Variants in SCNN1D observed in about 807,000 individuals in gnomAD.
The protein encoded by SCNN1D is sodium channel epithelial 1 subunit delta.
Under a neutral mutation model 87.8 loss-of-function variants are expected in SCNN1D, and 104 were observed. The observed-to-expected ratio is 1.18, with a 90% CI of 1.01 to 1.39. The LOEUF (loss-of-function observed/expected upper bound fraction) is 1.39. SCNN1D is among the 40% of genes most tolerant of loss of function. SCNN1D has a pLI of 0.00. For missense variants in SCNN1D, 1,324 were observed against 1,093.9 expected (o/e 1.21, Z -2.97); for synonymous variants, 628 against 481.2 (o/e 1.31, Z -3.99).
In SCNN1D at chr1:1,284,004, G is replaced by GAGCTGCC; in HGVS notation, c.386_392dup (p.Pro132AlafsTer143). ...AGGCCAGAGGCTCCATCCTGCTTCA[G>GAGCTGCC]AGCTGCCAGCTGCCCCCGCAATGGC... On this transcript the variant is annotated frameshift_variant, in exon 5 of 18. Transcript: ENST00000379116. LOFTEE classifies it high-confidence loss of function. 1 of 1,445,390 alleles carries GAGCTGCC rather than the reference G, an allele frequency of 6.9e-7. No individual in the cohort carries two copies. Among genetic ancestry groups the GAGCTGCC allele is most frequent in the East Asian group, 3.1e-5 (1 of 32,478 alleles). The allele number at this position is 1,445,390 out of a possible 1,614,324, so 89.5% of individuals were successfully genotyped here. A position where few individuals can be genotyped will look rare whatever the true frequency, so the allele number is the denominator to read the frequency against.
chr1:1,281,381 G>T (rs1220358218), intron 2 of SCNN1D, 30 bp from the exon 3 acceptor site: 2 of 1,529,628 alleles, frequency 1.3e-6, no homozygotes, highest in East Asian at 4.9e-5. Context: ...AGGGAGCCAG[G>T]GATGCCTGCC....
At position 1,291,238 on chromosome 1, in the gene SCNN1D, C is replaced by T. The variant is rs759662411; in HGVS notation, c.2053-16C>T. On this transcript the variant is annotated splice_polypyrimidine_tract_variant and intron_variant, in intron 17 of 17. Transcript: ENST00000379116. ...GGGGCCTGGGCCCGCCCCTCACACCCGCACCCCACCCGCAGGTGCCGCAGC... is the reference window on the plus strand; with the variant it reads ...GGGGCCTGGGCCCGCCCCTCACACCTGCACCCCACCCGCAGGTGCCGCAGC... 30 of 1,560,310 alleles carry T rather than the reference C, an allele frequency of 1.9e-5. No individual in the cohort carries two copies. Among genetic ancestry groups the T allele is most frequent in the African/African-American group, 1.5e-4 (11 of 73,396 alleles).
In SCNN1D at chr1:1,291,259, G is replaced by A. The variant is rs199991805; in HGVS notation, c.2058G>A (p.Pro686=). ...CACCCGCACCCCACCCGCAGGTGCC[G>A]CAGCTGCTCTCGGCCATGGGCAGCC... ...SVEEAPVYSV[P]QLLSAMGSLC... is the part of the protein sequence containing the mutation. The change falls in exon 18 of 18, where the codon CCG becomes CCA. Residue 686 remains proline (P), a synonymous_variant. Coordinates refer to ENST00000379116, the MANE Select transcript of SCNN1D (RefSeq NM_001130413.4). 1,092 of 1,559,184 alleles carry A rather than the reference G, an allele frequency of 7.0e-4. No homozygotes were observed. Among genetic ancestry groups the A allele is most frequent in the African/African-American group, 8.6e-4 (63 of 73,588 alleles).
At position 1,286,108 on chromosome 1, in the gene SCNN1D, CAA is replaced by C. The variant is rs555847974; in HGVS notation, c.742_743del (p.Lys248AspfsTer24). 6.1e-4 allele frequency: 989 copies of C among 1,610,460 alleles called. 8 individuals are homozygous for C. The highest frequency in any genetic ancestry group is 6.0e-3 in the South Asian group (540 of 90,618). The stretch of plus-strand genomic sequence containing the variant: ...TGGTCTGCTCCCGCGGGAACCGCCT[CAA>C]GACGACGTCCTGGGGGCTGCTGTCC... ...RLVCSRGNRL[K>X]TTSWGLLSLG... On this transcript the variant is annotated frameshift_variant, in exon 7 of 18. Transcript: ENST00000379116. LOFTEE classifies it high-confidence loss of function.
At chr1:1,281,811 C>T in intron 3 of SCNN1D, 2 of 605,684 alleles carry the variant, frequency 3.3e-6, no homozygotes, top group Non-Finnish European at 5.8e-6. Context: ...TGCCCTTTGG[C>T]TGGACCGGGC....
chr1:1,291,512 C>G lies in SCNN1D; in HGVS notation c.2311C>G (p.Pro771Ala). 1 of 1,608,482 alleles carries G rather than the reference C, an allele frequency of 6.2e-7. No homozygotes were observed. The highest frequency in any genetic ancestry group is 8.5e-7 in the Non-Finnish European group (1 of 1,177,220). The stretch of plus-strand genomic sequence containing the variant: ...GTCAGATGACCCGGAGCCCAGCGGG[C>G]CTCATCTCCCACGGGTGATGCTTCC... ...GTSDDPEPSGPHLPRVMLPGV... is the reference protein window; with the variant it reads ...GTSDDPEPSGAHLPRVMLPGV... Residue 771 changes from proline (P) to alanine (A), a missense_variant, in exon 18 of 18, where the codon CCT (proline) becomes GCT (alanine). Physicochemically the swap from Pro to Ala is conservative, Grantham distance 27 (BLOSUM62 -1). Transcript: ENST00000379116.
chr1:1,288,272 G>A lies in SCNN1D; in HGVS notation c.1662+235G>A, dbSNP rs1269736043. On this transcript the variant is annotated intron_variant, in intron 12 of 17. Coordinates refer to ENST00000379116, the MANE Select transcript of SCNN1D (RefSeq NM_001130413.4). ...CTGCTCCGTCCCGTGTCTCTGCTCC[G>A]TCCCCCGAGTCTCTGCTCCGTCCCG... Among the ~76,000 whole-genome samples the A allele has an allele frequency of 4.9e-3, 420 of 85,540 alleles. 8 individuals are homozygous for A. The East Asian group carries it at 0.088, about 18-fold the overall frequency. The allele number at this position is 85,540 out of a possible 152,430, so 56.1% of individuals were successfully genotyped here.
In SCNN1D at chr1:1,291,532, G is replaced by A. The variant is rs75063133; in HGVS notation, c.2331G>A (p.Met777Ile). 1,952 of 1,602,062 alleles carry A rather than the reference G, an allele frequency of 1.2e-3. 19 individuals are homozygous for A. The African/African-American group carries it at 0.021, about 18-fold the overall frequency. Residue 777 changes from methionine (M) to isoleucine (I), a missense_variant, in exon 18 of 18, where the codon ATG becomes ATA. Physicochemically the swap from Met to Ile is conservative, Grantham distance 10. Transcript: ENST00000379116. ...EPSGPHLPRVMLPGVLAGVSA... is the reference protein window; with the variant it reads ...EPSGPHLPRVILPGVLAGVSA... ...GCGGGCCTCATCTCCCACGGGTGATGCTTCCAGGGGTTCTGGCGGGAGTCT... is the reference window on the plus strand; with the variant it reads ...GCGGGCCTCATCTCCCACGGGTGATACTTCCAGGGGTTCTGGCGGGAGTCT...
In SCNN1D at chr1:1,291,840, G is replaced by C. The variant is rs1640829667; in HGVS notation, c.*230G>C. 2.3e-6 allele frequency: 1 copy of C among 441,358 alleles called. No individual in the cohort carries two copies. Among genetic ancestry groups the C allele is most frequent in the Non-Finnish European group, 4.0e-6 (1 of 250,854 alleles). 27.3% of individuals were successfully genotyped at this position (441,358 alleles called of 1,614,324 possible). A position where few individuals can be genotyped will look rare whatever the true frequency, so the allele number is the denominator to read the frequency against. On this transcript the variant is annotated 3_prime_UTR_variant, in exon 18 of 18. Coordinates refer to ENST00000379116, the MANE Select transcript of SCNN1D (RefSeq NM_001130413.4). ...GAGGGGGGTTCCCGCGTGCACACGA[G>C]TGCGGCTGGACGTGCCGACACGCGG...
rs1321113323 is a variant in SCNN1D, at chr1:1,288,043, G to T, written c.1662+6G>T. On this transcript the variant is annotated splice_donor_region_variant and intron_variant, in intron 12 of 17. Coordinates refer to ENST00000379116, the MANE Select transcript of SCNN1D (RefSeq NM_001130413.4). ...ACACCTCCTACACCAGGCAGGTGAG[G>T]CTGGGCTGGCAGGGGGTGCGGGGGC... is the stretch of plus-strand genomic sequence containing the variant. The T allele has an allele frequency of 1.3e-6, 2 of 1,527,592 alleles. No individual in the cohort carries two copies. The highest frequency in any genetic ancestry group is 1.4e-5 in the African/African-American group (1 of 72,302). The allele number at this position is 1,527,592 out of a possible 1,614,324, so 94.6% of individuals were successfully genotyped here.
In SCNN1D at chr1:1,286,240, G is replaced by T; in HGVS notation, c.873G>T (p.Leu291=). Residue 291 remains leucine, a synonymous_variant, in exon 7 of 18, where the codon CTG becomes CTT. Coordinates refer to ENST00000379116, the MANE Select transcript of SCNN1D (RefSeq NM_001130413.4). ...TCTCTGTGCACTCGGAGCGCAAGCT[G>T]CTCCCGCTGGTCACCCTGTGTGACG... The part of the protein sequence containing the change: ...MAVSVHSERK[L]LPLVTLCDGN... 1 of 1,593,180 alleles carries T rather than the reference G, an allele frequency of 6.3e-7. No homozygotes were observed.
At chr1:1,287,081 A>G in intron 8 of SCNN1D, 28 bp from the exon 9 acceptor site, 2 of 1,581,036 alleles carry the variant, frequency 1.3e-6, no homozygotes, top group South Asian at 1.1e-5. Context: ...CTGTAGCCAC[A>G]GAGCTGACCC....
At position 1,290,312 on chromosome 1, in the gene SCNN1D, C is replaced by G. The variant is rs948921071; in HGVS notation, c.1704C>G (p.Thr568=). The change falls in exon 13 of 18, where the codon ACC becomes ACG. Residue 568 remains threonine (T), a synonymous_variant. Coordinates refer to ENST00000379116, the MANE Select transcript of SCNN1D (RefSeq NM_001130413.4). Reference sequence around the variant, plus strand: ...GCTTCCAGCAGCTGATGGTGGAGACCTGCTCCTGTGGCTACTACCTCCACC... The same window carrying G: ...GCTTCCAGCAGCTGATGGTGGAGACGTGCTCCTGTGGCTACTACCTCCACC... ...VSCFQQLMVE[T]CSCGYYLHPL... The G allele has an allele frequency of 6.3e-7, 1 of 1,590,334 alleles. No individual in the cohort carries two copies. Among genetic ancestry groups the G allele is most frequent in the Non-Finnish European group, 8.6e-7 (1 of 1,166,994 alleles).
At position 1,291,465 on chromosome 1, in the gene SCNN1D, T is replaced by G; in HGVS notation, c.2264T>G (p.Met755Arg). The change falls in exon 18 of 18, where the codon ATG becomes AGG. Residue 755 changes from methionine (M) to arginine (R), a missense_variant. Physicochemically the swap from Met to Arg is moderately conservative, Grantham distance 91. Coordinates refer to ENST00000379116, the MANE Select transcript of SCNN1D (RefSeq NM_001130413.4). ...AGCATCAAGCCAGAGGCCAGTCAGA[T>G]GCCCCCGCCTGCAGGCGGCACGTCA... ...ASSIKPEASQ[M>R]PPPAGGTSDD... is the part of the protein sequence containing the mutation. 2.5e-6 allele frequency: 4 copies of G among 1,608,192 alleles called. No individual in the cohort carries two copies. Among genetic ancestry groups the G allele is most frequent in the Non-Finnish European group, 3.4e-6 (4 of 1,177,182 alleles).
In SCNN1D at chr1:1,285,615, G is replaced by A; in HGVS notation, c.509G>A (p.Gly170Glu). 1 of 1,546,968 alleles carries A rather than the reference G, an allele frequency of 6.5e-7. No homozygotes were observed. The highest frequency in any genetic ancestry group is 1.2e-5 in the South Asian group (1 of 83,674). The change falls in exon 6 of 18, where the codon GGA (glycine) becomes GAA (glutamate). Residue 170 changes from glycine to glutamate, a missense_variant. Gly to Glu is a moderately conservative substitution (Grantham distance 98, BLOSUM62 -2). Transcript: ENST00000379116. ...CCCCAGAGGCCCTGCCACCTGAAGG[G>A]ATGGCAGCACAGACCCACTCAGCAC... ...VAPQRPCHLK[G>E]WQHRPTQHNA...
At position 1,281,858 on chromosome 1, in the gene SCNN1D, C is replaced by T. The variant is rs1640477151; in HGVS notation, c.277+248C>T. On this transcript the variant is annotated intron_variant, in intron 3 of 17. Coordinates refer to ENST00000379116, the MANE Select transcript of SCNN1D (RefSeq NM_001130413.4). ...GACCTGGGCTCTTTCTCTCTCTGCA[C>T]CCTGCACCAAGGCTGGGCTGTCTGC... The T allele has an allele frequency of 6.9e-6, 4 of 583,178 alleles. No individual in the cohort carries two copies. In the South Asian group the frequency reaches 8.3e-5, roughly 12 times the overall value. The allele number at this position is 583,178 out of a possible 1,614,324, so 36.1% of individuals were successfully genotyped here.
intron 5 of SCNN1D, 99 bp from the exon 6 acceptor site, chr1:1,285,472 G>T: frequency 1.3e-6 from 1 of 783,238 alleles, no homozygotes; most frequent in Non-Finnish European, 2.0e-6. Flanking sequence ...GGGGGCTGGG[G>T]TGGGTGCAGC....
chr1:1,288,150 G>C (rs1017459170), intron 12 of SCNN1D, 113 bp downstream of exon 12: 2 of 801,060 alleles, frequency 2.5e-6, no homozygotes, highest in South Asian at 1.8e-5. Flanking sequence ...CCTGGGAACG[G>C]GGCAGTCCCC....
chr1:1,288,222 C>T (rs540264621), intron 12 of SCNN1D, among the ~76,000 whole-genome samples, 185 bp downstream of exon 12: 41 of 129,570 alleles, frequency 3.2e-4, no homozygotes, highest in South Asian at 1.5e-3. Flanking sequence ...TGCTCCGTCC[C>T]GTGTCTCTGC....
Sources: allele counts gnomAD v4.1 joint callset (sites outside exome capture counted in the v4.1 genomes callset), GRCh38; gene constraint gnomAD v4.1.1; transcripts MANE v1.5; gene names NCBI Gene and HGNC (gene_info 2026-07-23, HGNC 2026-07-21).